The following SLC6A11 variants were observed in gnomAD, a reference collection of about 807,000 sequenced individuals.
SLC6A11 encodes the protein sodium- and chloride-dependent GABA transporter 3.
Under a neutral mutation model 74.8 loss-of-function variants are expected in SLC6A11, and 25 were observed. The ratio of observed to expected loss-of-function variants is 0.33; its 90% confidence interval spans 0.24 to 0.47. SLC6A11 has a LOEUF of 0.47. SLC6A11 is among the 20% of genes least tolerant of loss of function. SLC6A11 has a pLI of 1.00. For synonymous variants in SLC6A11, 330 were observed against 330.2 expected (o/e 1.00, Z 0.01); for missense variants, 574 against 837.0 (o/e 0.69, Z 3.88).
At chr3:10,841,878 A>G (rs535918193) in intron 4 of SLC6A11, among the ~76,000 whole-genome samples, 1 of 152,310 alleles carries the variant, frequency 6.6e-6, no homozygotes, top group East Asian at 1.9e-4. Flanking sequence ...CTGGCTCAGT[A>G]GGGACCTCGT....
chr3:10,907,772 A>G (rs970066011), intron 6 of SLC6A11, among the ~76,000 whole-genome samples: 8 of 152,234 alleles, frequency 5.3e-5, no homozygotes, highest in African/African-American at 1.9e-4. Context: ...TATACAGCCA[A>G]ATTGCCTTTC....
At chr3:10,823,220 C>A in intron 3 of SLC6A11, 82 bp from the exon 4 acceptor site, 1 of 989,806 alleles carries the variant, frequency 1.0e-6, no homozygotes, top group Non-Finnish European at 1.6e-6. Context: ...TGCCTAGTTG[C>A]GCATCAGCTC....
chr3:10,835,563 T>C (rs1694356117), intron 4 of SLC6A11, among the ~76,000 whole-genome samples: 3 of 152,028 alleles, frequency 2.0e-5, no homozygotes, highest in African/African-American at 4.8e-5. Flanking sequence ...AGATTCACTC[T>C]CCTCCCCACA....
intron 4 of SLC6A11, among the ~76,000 whole-genome samples, chr3:10,842,236 T>A (rs957639084): frequency 1.3e-5 from 2 of 152,158 alleles, no homozygotes; most frequent in Admixed American, 6.5e-5. Context: ...AACACAAGTT[T>A]AAAAATGATT....
chr3:10,833,292 C>T (rs776151500), intron 4 of SLC6A11, among the ~76,000 whole-genome samples: 5 of 152,158 alleles, frequency 3.3e-5, no homozygotes, highest in Non-Finnish European at 7.3e-5. Context: ...AAACTCCTGA[C>T]GTCAGGTAAT....
At chr3:10,861,592 A>T (rs1457833919) in intron 5 of SLC6A11, among the ~76,000 whole-genome samples, 1 of 152,182 alleles carries the variant, frequency 6.6e-6, no homozygotes, top group East Asian at 1.9e-4. Flanking sequence ...TGGAGAAAGG[A>T]GGCAGAAAAC....
At chr3:10,894,703 G>A (rs1473970953) in intron 6 of SLC6A11, among the ~76,000 whole-genome samples, 1 of 152,174 alleles carries the variant, frequency 6.6e-6, no homozygotes, top group Non-Finnish European at 1.5e-5. Flanking sequence ...GGTGGAATGA[G>A]TTCACGTCTA....
Position 10,816,483 on chromosome 3 carries a change from T to G in SLC6A11, c.218T>G (p.Val73Gly). 3 of 1,604,588 alleles carry G rather than the reference T, an allele frequency of 1.9e-6. No homozygotes were observed. Among genetic ancestry groups the G allele is most frequent in the Non-Finnish European group, 2.6e-6 (3 of 1,175,876 alleles). The change falls in exon 1 of 14, where the codon GTG becomes GGG. Residue 73 changes from valine to glycine, a missense_variant. This residue lies in a region of SLC6A11 where 215 missense variants were observed against 357.9 expected (regional missense o/e 0.60). Transcript: ENST00000254488. This position sits in a 1 kb window ranked among gnomAD's most constrained non-coding sequence, Gnocchi z 4.2. ...VAGEIIGLGN[V>G]WRFPYLCYKN... is the part of the protein sequence containing the mutation. ...GGGGAGATCATTGGGCTGGGCAACG[T>G]GTGGCGCTTCCCCTACCTGTGCTAC... is the stretch of plus-strand genomic sequence containing the variant.
intron 11 of SLC6A11, 185 bp from the exon 12 acceptor site, chr3:10,933,881 C>T (rs1194368654): frequency 3.9e-6 from 2 of 511,348 alleles, no homozygotes; most frequent in East Asian, 6.5e-5. Context: ...AGCATCCCTC[C>T]TGCTGCTCTT....
chr3:10,851,436 A>G (rs1374099752), intron 5 of SLC6A11, among the ~76,000 whole-genome samples: 1 of 151,212 alleles, frequency 6.6e-6, no homozygotes, highest in Non-Finnish European at 1.5e-5. Context: ...AGACAGACAG[A>G]CACACTCACA....
At chr3:10,860,352 A>G (rs908606222) in intron 5 of SLC6A11, among the ~76,000 whole-genome samples, 1 of 152,230 alleles carries the variant, frequency 6.6e-6, no homozygotes, top group Non-Finnish European at 1.5e-5. Flanking sequence ...AGCCATCCTG[A>G]TTTCAGAGAT....
chr3:10,884,875 C>G (rs913903697), intron 6 of SLC6A11, among the ~76,000 whole-genome samples: 1 of 152,232 alleles, frequency 6.6e-6, no homozygotes, highest in Non-Finnish European at 1.5e-5. Flanking sequence ...GACATTCATT[C>G]ATTCTATAAT....
chr3:10,923,973 A>C (rs1695568934), intron 8 of SLC6A11, among the ~76,000 whole-genome samples: 1 of 152,208 alleles, frequency 6.6e-6, no homozygotes, highest in Admixed American at 6.5e-5. Context: ...ACCAACCCAC[A>C]TCAAGAGACA....
chr3:10,883,363 G>C (rs1695005516), intron 6 of SLC6A11, among the ~76,000 whole-genome samples: 1 of 152,086 alleles, frequency 6.6e-6, no homozygotes, highest in Non-Finnish European at 1.5e-5. Flanking sequence ...TCCTGCCCCA[G>C]ATTCCCGCTC....
At chr3:10,868,804 A>C (rs987375846) in intron 5 of SLC6A11, among the ~76,000 whole-genome samples, 2 of 152,256 alleles carry the variant, frequency 1.3e-5, no homozygotes, top group Non-Finnish European at 2.9e-5. Context: ...CTAGGGCCTC[A>C]GACATCTTGA....
At chr3:10,874,935 A>C in intron 5 of SLC6A11, 26 bp from the exon 6 acceptor site, 1 of 1,579,050 alleles carries the variant, frequency 6.3e-7, no homozygotes, top group Non-Finnish European at 8.7e-7. Flanking sequence ...CCCCTTCTTG[A>C]TTCTGTCCTC....
chr3:10,869,390 G>A (rs1210417617), intron 5 of SLC6A11, among the ~76,000 whole-genome samples: 8 of 152,206 alleles, frequency 5.3e-5, no homozygotes, highest in African/African-American at 1.2e-4. Context: ...TCTGAGCCTC[G>A]TCTTCCAGAC....
At chr3:10,858,053 A>G (rs1180044949) in intron 5 of SLC6A11, among the ~76,000 whole-genome samples, 1 of 152,230 alleles carries the variant, frequency 6.6e-6, no homozygotes, top group Non-Finnish European at 1.5e-5. Flanking sequence ...ATTTTTAAAT[A>G]AGAACTAGCC....
chr3:10,848,796 G>A (rs1270839294), intron 5 of SLC6A11, among the ~76,000 whole-genome samples: 1 of 152,188 alleles, frequency 6.6e-6, no homozygotes, highest in Admixed American at 6.5e-5. Context: ...ATATTAGAAT[G>A]GCTCCAGAAT....
Sources: gnomAD v4.1 joint callset for allele counts (sites outside exome capture counted in the v4.1 genomes callset) on GRCh38, gnomAD v4.1.1 for gene constraint, gnomAD v4.1.1 regional missense constraint, Gnocchi (gnomAD v3.1) non-coding constraint, MANE v1.5 for transcripts, NCBI Gene and HGNC (gene_info 2026-07-23, HGNC 2026-07-21) for gene names.